Variants in HIP1 observed in about 807,000 individuals in gnomAD.
The protein encoded by HIP1 is huntingtin-interacting protein 1.
HIP1 carries 65 observed loss-of-function variants against 147.6 expected under a neutral mutation model. The ratio of observed to expected loss-of-function variants is 0.44; its 90% confidence interval spans 0.36 to 0.54. HIP1 has a LOEUF of 0.54. Ranked by LOEUF, HIP1 falls within the 20% of genes least tolerant of loss-of-function variation. The pLI, the probability that HIP1 is intolerant of heterozygous loss-of-function variation, is 0.00. For missense variants in HIP1, 1,061 were observed against 1,299.6 expected (o/e 0.82, Z 2.82); for synonymous variants, 479 against 504.0 (o/e 0.95, Z 0.67).
chr7:75,596,235 CA>C (rs10658504), intron 2 of HIP1, among the ~76,000 whole-genome samples: 165 of 59,592 alleles, frequency 2.8e-3, no homozygotes, highest in Middle Eastern at 0.022. Context: ...GACCCTGCCT[CA>C]AAAAAAAAAA....
At chr7:75,563,881 A>T (rs988454222) in intron 9 of HIP1, among the ~76,000 whole-genome samples, 2 of 151,844 alleles carry the variant, frequency 1.3e-5, no homozygotes, top group African/African-American at 2.4e-5. Context: ...AGAAACCAAT[A>T]TTTTTTTTCT....
At chr7:75,569,986 G>A (rs1795553784) in intron 8 of HIP1, among the ~76,000 whole-genome samples, 1 of 151,608 alleles carries the variant, frequency 6.6e-6, no homozygotes, top group South Asian at 2.1e-4. Context: ...CCAGGCTGGA[G>A]GGCAGTGGCA....
intron 1 of HIP1, among the ~76,000 whole-genome samples, chr7:75,612,146 C>T (rs1797463128): frequency 6.6e-6 from 1 of 152,196 alleles, no homozygotes; most frequent in Admixed American, 6.5e-5. Context: ...GGTGGCAGGT[C>T]CCCAGGCAAG....
chr7:75,678,803 G>A (rs1389407756), intron 1 of HIP1, among the ~76,000 whole-genome samples: 1 of 152,162 alleles, frequency 6.6e-6, no homozygotes, highest in Non-Finnish European at 1.5e-5. Context: ...CCTCCTAGGG[G>A]CTTGCAGGCC....
chr7:75,588,554 T>C (rs1584841585), intron 4 of HIP1, among the ~76,000 whole-genome samples: 1 of 151,702 alleles, frequency 6.6e-6, no homozygotes, highest in African/African-American at 2.4e-5. Flanking sequence ...GAGGCTGAGG[T>C]GGCAGATCGC....
intron 1 of HIP1, among the ~76,000 whole-genome samples, chr7:75,732,683 C>T (rs1278493698): frequency 1.3e-5 from 2 of 152,162 alleles, no homozygotes; most frequent in African/African-American, 4.8e-5. Flanking sequence ...GCCCGGCTCA[C>T]CCAAAGAGAT....
Position 75,535,852 on chromosome 7 carries a change from C to CG in HIP1, c.*2319dup, listed in dbSNP as rs1390913115. 5.8e-6 allele frequency: 1 copy of CG among 171,148 alleles called. No homozygotes were observed. Among genetic ancestry groups the CG allele is most frequent in the East Asian group, 1.1e-4 (1 of 9,242 alleles). The allele number at this position is 171,148 out of a possible 1,614,324, so 10.6% of individuals were successfully genotyped here. ...TCAGCCTCCTGAGTAGCTGGGATTA[C>CG]GGGCACCCGTCACTACGCTCGGCTA... On this transcript the variant is annotated 3_prime_UTR_variant, in exon 31 of 31. Coordinates refer to ENST00000336926, the MANE Select transcript of HIP1 (RefSeq NM_005338.7).
At chr7:75,636,806 C>T (rs782189219) in intron 1 of HIP1, among the ~76,000 whole-genome samples, 12 of 152,184 alleles carry the variant, frequency 7.9e-5, no homozygotes, top group Non-Finnish European at 1.5e-4. Context: ...AGAGGTTTCC[C>T]AGTGCTTACG....
At chr7:75,636,371 C>T (rs892121325) in intron 1 of HIP1, among the ~76,000 whole-genome samples, 4 of 151,670 alleles carry the variant, frequency 2.6e-5, no homozygotes, top group Admixed American at 6.6e-5. Context: ...AAAAAAATCA[C>T]GCAGAATCAG....
intron 9 of HIP1, among the ~76,000 whole-genome samples, chr7:75,563,889 T>TCC (rs1795317506): frequency 6.6e-6 from 1 of 151,578 alleles, no homozygotes. Flanking sequence ...ATATTTTTTT[T>TCC]CTCTCTCTCT....
chr7:75,662,540 C>T (rs1460513624), intron 1 of HIP1, among the ~76,000 whole-genome samples: 1 of 152,040 alleles, frequency 6.6e-6, no homozygotes, highest in African/African-American at 2.4e-5. Context: ...GCGTCTCGCT[C>T]TGTCGCCCAG....
At chr7:75,668,648 A>G (rs1396613273) in intron 1 of HIP1, among the ~76,000 whole-genome samples, 1 of 152,098 alleles carries the variant, frequency 6.6e-6, no homozygotes, top group African/African-American at 2.4e-5. Context: ...TTTTCAAGCC[A>G]TCATGCCCTT....
At chr7:75,639,887 C>T (rs1439702965) in intron 1 of HIP1, among the ~76,000 whole-genome samples, 3 of 152,092 alleles carry the variant, frequency 2.0e-5, no homozygotes, top group African/African-American at 7.2e-5. Flanking sequence ...GGAAGTGGAA[C>T]AGGTATCCCC....
chr7:75,634,882 G>A (rs1168528896), intron 1 of HIP1, among the ~76,000 whole-genome samples: 2 of 139,882 alleles, frequency 1.4e-5, no homozygotes, highest in Admixed American at 7.9e-5. Context: ...CGAGGCTAGA[G>A]TCAGCTACAA....
intron 1 of HIP1, among the ~76,000 whole-genome samples, chr7:75,724,804 C>A (rs1020067190): frequency 2.0e-5 from 3 of 152,168 alleles, no homozygotes; most frequent in Non-Finnish European, 4.4e-5. Flanking sequence ...GTCTGGCTAA[C>A]AACAGGGCTC....
chr7:75,697,387 T>C (rs951168825), intron 1 of HIP1, among the ~76,000 whole-genome samples: 3 of 151,354 alleles, frequency 2.0e-5, no homozygotes, highest in Non-Finnish European at 4.4e-5. Flanking sequence ...GCAACACAGT[T>C]CTCTAAAAAA....
At chr7:75,674,265 C>A (rs1799817248) in intron 1 of HIP1, among the ~76,000 whole-genome samples, 1 of 152,104 alleles carries the variant, frequency 6.6e-6, no homozygotes, top group African/African-American at 2.4e-5. Context: ...AGCAGACATC[C>A]TTGTTTTGTT....
At chr7:75,700,872 A>AT (rs782388332) in intron 1 of HIP1, among the ~76,000 whole-genome samples, 1 of 151,402 alleles carries the variant, frequency 6.6e-6, no homozygotes, top group African/African-American at 2.4e-5. Context: ...CACCCGGCTA[A>AT]TTTTTTGTAT....
intron 22 of HIP1, among the ~76,000 whole-genome samples, chr7:75,550,095 C>A (rs1396567520): frequency 2.0e-5 from 3 of 152,228 alleles, no homozygotes; most frequent in East Asian, 1.9e-4. Flanking sequence ...AGAGGTAGAA[C>A]GTCTTGACCA....
Sources: allele counts gnomAD v4.1 joint callset (sites outside exome capture counted in the v4.1 genomes callset), GRCh38; gene constraint gnomAD v4.1.1; transcripts MANE v1.5; gene names NCBI Gene and HGNC (gene_info 2026-07-23, HGNC 2026-07-21).